ZDHHC14: variants seen among roughly 807,000 people sequenced by gnomAD.
The protein encoded by ZDHHC14 is palmitoyltransferase ZDHHC14.
A neutral mutation model predicts 47.7 loss-of-function variants in ZDHHC14; 16 were observed. That is an observed-to-expected ratio of 0.34 (90% CI 0.23 to 0.51). The LOEUF is 0.51. ZDHHC14 is among the 20% of genes least tolerant of loss of function. The pLI, the probability that ZDHHC14 is intolerant of heterozygous loss-of-function variation, is 0.97. For missense variants in ZDHHC14, 515 were observed against 662.5 expected, an observed-to-expected ratio of 0.78 and a Z score of 2.44; for synonymous variants, 293 against 278.9, an observed-to-expected ratio of 1.05 and a Z score of -0.50.
chr6:157,409,975 C>T (rs562246154), intron 1 of ZDHHC14, among the ~76,000 whole-genome samples: 40 of 152,148 alleles, frequency 2.6e-4, no homozygotes, highest in African/African-American at 8.9e-4. Flanking sequence ...ACTACAGGCA[C>T]ATGCCACCAT....
At chr6:157,533,641 G>T (rs190210310) in intron 1 of ZDHHC14, among the ~76,000 whole-genome samples, 6 of 152,112 alleles carry the variant, frequency 3.9e-5, no homozygotes, top group African/African-American at 1.4e-4. Flanking sequence ...TTGTAGCCTC[G>T]GCAAGTACCT....
At chr6:157,571,240 C>T (rs563730851) in intron 2 of ZDHHC14, among the ~76,000 whole-genome samples, 20 of 152,170 alleles carry the variant, frequency 1.3e-4, no homozygotes, top group Non-Finnish European at 1.6e-4. Context: ...TTGAATGAAA[C>T]GTACTTTATT....
intron 1 of ZDHHC14, among the ~76,000 whole-genome samples, chr6:157,393,783 T>G (rs527746136): frequency 4.7e-4 from 72 of 152,328 alleles, no homozygotes; most frequent in African/African-American, 1.7e-3. Context: ...CCTTTAATTA[T>G]TTCCTATTCT....
intron 1 of ZDHHC14, among the ~76,000 whole-genome samples, chr6:157,534,687 C>T (rs1195158186): frequency 6.6e-6 from 1 of 152,038 alleles, no homozygotes; most frequent in East Asian, 1.9e-4. Flanking sequence ...CTCCCAGGGT[C>T]AAGCCAGCCT....
chr6:157,640,101 C>G (rs1777177407), intron 5 of ZDHHC14, among the ~76,000 whole-genome samples: 1 of 152,174 alleles, frequency 6.6e-6, no homozygotes, highest in African/African-American at 2.4e-5. Context: ...GAAACACCTG[C>G]TGGGGAGCCA....
intron 5 of ZDHHC14, among the ~76,000 whole-genome samples, chr6:157,634,394 T>G (rs1424775073): frequency 6.6e-6 from 1 of 152,194 alleles, no homozygotes; most frequent in African/African-American, 2.4e-5. Flanking sequence ...ATACCTGTGC[T>G]ATTAGGATCA....
chr6:157,627,209 C>G (rs1785469687), intron 3 of ZDHHC14, among the ~76,000 whole-genome samples: 2 of 152,200 alleles, frequency 1.3e-5, no homozygotes, highest in Admixed American at 1.3e-4. Context: ...ACCAGAAAGT[C>G]ATGATACTGA....
At chr6:157,438,539 A>G (rs1452043821) in intron 1 of ZDHHC14, among the ~76,000 whole-genome samples, 1 of 152,258 alleles carries the variant, frequency 6.6e-6, no homozygotes, top group South Asian at 2.1e-4. Flanking sequence ...AAAGTACAGC[A>G]CAATGCTGAA....
intron 1 of ZDHHC14, among the ~76,000 whole-genome samples, chr6:157,390,302 G>A (rs570334458): frequency 3.9e-5 from 6 of 152,082 alleles, no homozygotes; most frequent in Non-Finnish European, 8.8e-5. Context: ...TGTCATATGC[G>A]ATATTTCTCC....
intron 1 of ZDHHC14, among the ~76,000 whole-genome samples, chr6:157,528,328 A>T (rs1425490571): frequency 6.6e-6 from 1 of 152,216 alleles, no homozygotes; most frequent in East Asian, 1.9e-4. Flanking sequence ...TGTGTGGCTT[A>T]AAAGAAAAGT....
intron 2 of ZDHHC14, among the ~76,000 whole-genome samples, chr6:157,543,766 G>A (rs1488866850): frequency 6.6e-6 from 1 of 152,204 alleles, no homozygotes; most frequent in Admixed American, 6.5e-5. Flanking sequence ...AGTGTGTGGT[G>A]TCATCTGCTA....
chr6:157,541,289 G>A (rs1399487104), intron 1 of ZDHHC14, among the ~76,000 whole-genome samples: 1 of 152,150 alleles, frequency 6.6e-6, no homozygotes, highest in Non-Finnish European at 1.5e-5. Context: ...GCCTCTTGAA[G>A]GCTGGTGCAC....
intron 1 of ZDHHC14, 45 bp downstream of exon 1, chr6:157,382,311 T>C: frequency 6.3e-7 from 1 of 1,591,404 alleles, no homozygotes. Flanking sequence ...TCCCCTGGTC[T>C]CCCCTGTCCC....
chr6:157,415,853 G>C (rs1340454545), intron 1 of ZDHHC14, among the ~76,000 whole-genome samples: 3 of 150,792 alleles, frequency 2.0e-5, no homozygotes, highest in African/African-American at 4.9e-5. Context: ...CAGCATGGGT[G>C]ACAGAGTAAG....
chr6:157,473,840 A>G (rs547305323), intron 1 of ZDHHC14, among the ~76,000 whole-genome samples: 1 of 152,162 alleles, frequency 6.6e-6, no homozygotes, highest in East Asian at 1.9e-4. Flanking sequence ...ACATAAATGA[A>G]TTTCATGTTT....
chr6:157,426,225 C>G (rs1778215282), intron 1 of ZDHHC14, among the ~76,000 whole-genome samples: 1 of 152,102 alleles, frequency 6.6e-6, no homozygotes, highest in African/African-American at 2.4e-5. Flanking sequence ...GAGATGAGAG[C>G]TGCACAGCTT....
intron 1 of ZDHHC14, among the ~76,000 whole-genome samples, chr6:157,397,341 A>G (rs956391881): frequency 2.6e-5 from 4 of 152,220 alleles, no homozygotes; most frequent in African/African-American, 9.6e-5. Context: ...TCTGTACATC[A>G]GAAGTCTAGT....
At chr6:157,571,776 A>T (rs1275848362) in intron 2 of ZDHHC14, among the ~76,000 whole-genome samples, 55 of 122,438 alleles carry the variant, frequency 4.5e-4, no homozygotes, top group Non-Finnish European at 4.7e-4. Context: ...AGGAATCTGT[A>T]TTTTTTTTTT....
chr6:157,544,421 G>A (rs949463895), intron 2 of ZDHHC14, among the ~76,000 whole-genome samples: 1 of 152,190 alleles, frequency 6.6e-6, no homozygotes, highest in Non-Finnish European at 1.5e-5. Context: ...GTCAAGGTGG[G>A]AGGATCACCT....
Sources: allele counts gnomAD v4.1 joint callset (sites outside exome capture counted in the v4.1 genomes callset), GRCh38; gene constraint gnomAD v4.1.1; transcripts MANE v1.5; gene names NCBI Gene and HGNC (gene_info 2026-07-23, HGNC 2026-07-21).